NSL1: variants seen among roughly 807,000 people sequenced by gnomAD.
NSL1 encodes NSL1 component of MIS12 kinetochore complex, also known as kinetochore-associated protein NSL1 homolog.
NSL1 carries 11 observed loss-of-function variants against 25.4 expected under a neutral mutation model. The observed-to-expected ratio is 0.43, with a 90% CI of 0.27 to 0.72. The LOEUF (loss-of-function observed/expected upper bound fraction) is 0.72, where lower values mean the gene tolerates loss of function less well. Among genes scored for constraint, NSL1 ranks in the 30% least tolerant of loss-of-function variants. The pLI is 0.19. For synonymous variants in NSL1, 118 were observed against 120.6 expected (o/e 0.98, Z 0.14); for missense variants, 330 against 342.7 (o/e 0.96, Z 0.29).
intron 4 of NSL1, among the ~76,000 whole-genome samples, chr1:212,774,159 T>C (rs574594115): frequency 1.3e-5 from 2 of 151,964 alleles, no homozygotes; most frequent in Non-Finnish European, 2.9e-5. Context: ...GATAGAAGAA[T>C]AAGACCCAGT....
intron 4 of NSL1, among the ~76,000 whole-genome samples, chr1:212,770,670 G>C (rs1660060448): frequency 6.6e-6 from 1 of 152,088 alleles, no homozygotes; most frequent in Admixed American, 6.6e-5. Context: ...CCTCAAGAGG[G>C]AAGAATTGTT....
At chr1:212,779,524 C>T (rs1482303745) in intron 4 of NSL1, among the ~76,000 whole-genome samples, 7 of 113,276 alleles carry the variant, frequency 6.2e-5, no homozygotes, top group Middle Eastern at 5.6e-3. Context: ...GTCAGCCCCC[C>T]GCCCAGCCAG....
At chr1:212,741,076 T>C (rs1658480636) in intron 4 of NSL1, among the ~76,000 whole-genome samples, 1 of 152,204 alleles carries the variant, frequency 6.6e-6, no homozygotes, top group Non-Finnish European at 1.5e-5. Flanking sequence ...TTTTTTTTCC[T>C]ATACAAGTTC....
rs145734980 is a variant in NSL1, at chr1:212,730,722, G to A, written c.*7686C>T. 1 of 985,374 alleles carries A rather than the reference G, an allele frequency of 1.0e-6. No individual in the cohort carries two copies. Among genetic ancestry groups the A allele is most frequent in the Non-Finnish European group, 1.2e-6 (1 of 829,910 alleles). The allele number at this position is 985,374 out of a possible 1,614,324, so 61.0% of individuals were successfully genotyped here. On this transcript the variant is annotated 3_prime_UTR_variant, in exon 6 of 6. Transcript: ENST00000366977. ...CTGCTCTTATGTCCTGCAGGGATAT[G>A]GGAATTAGACTTAGTTCTAGTAGAC...
In NSL1 at chr1:212,731,091, C is replaced by T. The variant is rs1301173639; in HGVS notation, c.*7317G>A. On this transcript the variant is annotated 3_prime_UTR_variant, in exon 6 of 6. Coordinates refer to ENST00000366977, the MANE Select transcript of NSL1 (RefSeq NM_015471.4). Reference sequence around the variant, plus strand: ...TCTCAAATCCTTTCATATAAAATCCCCAAGAACCCCCTTCAGTGGTTCTCT... The same window carrying T: ...TCTCAAATCCTTTCATATAAAATCCTCAAGAACCCCCTTCAGTGGTTCTCT... 1.0e-6 allele frequency: 1 copy of T among 984,894 alleles called. No individual in the cohort carries two copies. The highest frequency in any genetic ancestry group is 1.2e-6 in the Non-Finnish European group (1 of 829,680). 61.0% of individuals were successfully genotyped at this position (984,894 alleles called of 1,614,324 possible). A position where few individuals can be genotyped will look rare whatever the true frequency, so the allele number is the denominator to read the frequency against.
rs116245111 is a variant in NSL1, at chr1:212,739,252, G to C, written c.567+282C>G. Among the ~76,000 whole-genome samples the C allele has an allele frequency of 5.1e-3, 781 of 152,136 alleles. 9 individuals are homozygous for C. The highest frequency in any genetic ancestry group is 0.018 in the African/African-American group (743 of 41,494). On this transcript the variant is annotated intron_variant, in intron 5 of 5. Transcript: ENST00000366977. ...ACCAATTATTCAATACATTTTAGCT[G>C]GTATTATTATCCAAAACTGTTCGGT... is the stretch of plus-strand genomic sequence containing the variant.
At chr1:212,744,323 A>G (rs1293120538) in intron 4 of NSL1, among the ~76,000 whole-genome samples, 1 of 152,200 alleles carries the variant, frequency 6.6e-6, no homozygotes, top group Non-Finnish European at 1.5e-5. Flanking sequence ...AAAACATGGT[A>G]TTTCCAAAAA....
At chr1:212,764,808 T>C (rs1571894608) in intron 4 of NSL1, among the ~76,000 whole-genome samples, 1 of 114,776 alleles carries the variant, frequency 8.7e-6, no homozygotes, top group South Asian at 3.0e-4. Context: ...ATCACACCAC[T>C]GCACTCCAGC....
At chr1:212,745,160 CTATATATATATA>C (rs59293969) in intron 4 of NSL1, among the ~76,000 whole-genome samples, 88 of 117,702 alleles carry the variant, frequency 7.5e-4, no homozygotes, top group African/African-American at 3.1e-3. Context: ...AACAAACAAA[CTATATATATATA>C]TATATATATA....
chr1:212,781,539 C>G (rs79315191), intron 4 of NSL1, among the ~76,000 whole-genome samples: 1 of 53,966 alleles, frequency 1.9e-5, no homozygotes, highest in African/African-American at 3.8e-5. Context: ...GCTTATACTT[C>G]CCCCCCTCTC....
At chr1:212,769,982 C>A (rs12402370) in intron 4 of NSL1, among the ~76,000 whole-genome samples, 8,584 of 151,758 alleles carry the variant, frequency 0.057, 308 homozygotes, top group East Asian at 0.14. Flanking sequence ...CACATACAGA[C>A]TAAAAGTGAA....
chr1:212,764,060 T>C, intron 4 of NSL1: 1 of 431,694 alleles, frequency 2.3e-6, no homozygotes, highest in Non-Finnish European at 4.6e-6. Context: ...TTTAAGAAAA[T>C]CAAAATCCTA....
At chr1:212,757,767 C>T (rs1659382220) in intron 4 of NSL1, among the ~76,000 whole-genome samples, 1 of 152,182 alleles carries the variant, frequency 6.6e-6, no homozygotes, top group Admixed American at 6.5e-5. Context: ...CCATCTACAA[C>T]ATTGAAGGTC....
rs1658252175 is a variant in NSL1, at chr1:212,736,903, CA to C, written c.*1504del. The C allele has an allele frequency of 1.0e-6, 1 of 984,580 alleles. No homozygotes were observed. The highest frequency in any genetic ancestry group is 6.1e-5 in the Admixed American group (1 of 16,280). 61.0% of individuals were successfully genotyped at this position (984,580 alleles called of 1,614,324 possible). ...GGGAGGGACCATGTTCTTATATAAT[CA>C]AAATGCAAGTAGCTTATATAATCTA... On this transcript the variant is annotated 3_prime_UTR_variant, in exon 6 of 6. Transcript: ENST00000366977.
intron 4 of NSL1, among the ~76,000 whole-genome samples, chr1:212,773,674 T>C (rs1660225450): frequency 6.6e-6 from 1 of 152,160 alleles, no homozygotes; most frequent in Middle Eastern, 3.2e-3. Context: ...TGCTCCACCA[T>C]TCCTGCCACT....
chr1:212,780,884 G>C (rs1660705361), intron 4 of NSL1, among the ~76,000 whole-genome samples: 24 of 152,066 alleles, frequency 1.6e-4, no homozygotes, highest in Admixed American at 1.4e-3. Context: ...ACCTAGATAA[G>C]TAGGCAAGAC....
At chr1:212,767,699 A>C (rs1211790019) in intron 4 of NSL1, among the ~76,000 whole-genome samples, 1 of 152,238 alleles carries the variant, frequency 6.6e-6, no homozygotes, top group Non-Finnish European at 1.5e-5. Context: ...TCCAGAATCT[A>C]CAAGAAACTC....
chr1:212,779,546 G>C lies in NSL1; in HGVS notation c.499+2826C>G, dbSNP rs1470568448. The stretch of plus-strand genomic sequence containing the variant: ...CCCCGCCCAGCCAGCCGCCCCGTCC[G>C]GGAGGGAGGTGGGGGTGTCAGCCCC... On this transcript the variant is annotated intron_variant, in intron 4 of 5. Coordinates refer to ENST00000366977, the MANE Select transcript of NSL1 (RefSeq NM_015471.4). Among the ~76,000 whole-genome samples, 434 of 106,124 alleles carry C rather than the reference G, an allele frequency of 4.1e-3. 25 individuals carry two copies. The highest frequency in any genetic ancestry group is 0.017 in the African/African-American group (413 of 24,242). The allele number at this position is 106,124 out of a possible 152,430, so 69.6% of individuals were successfully genotyped here.
intron 4 of NSL1, among the ~76,000 whole-genome samples, chr1:212,781,256 G>A (rs1341694988): frequency 6.6e-6 from 1 of 152,170 alleles, no homozygotes; most frequent in African/African-American, 2.4e-5. Flanking sequence ...TTAACTAAGT[G>A]TGTTTTCCCT....
Sources: gnomAD v4.1 joint callset for allele counts (sites outside exome capture counted in the v4.1 genomes callset) on GRCh38, gnomAD v4.1.1 for gene constraint, MANE v1.5 for transcripts, NCBI Gene and HGNC (gene_info 2026-07-23, HGNC 2026-07-21) for gene names.